The following ZC3H12C variants were observed in gnomAD, a reference collection of about 807,000 sequenced individuals.
ZC3H12C encodes zinc finger CCCH-type containing 12C, also known as probable ribonuclease ZC3H12C.
In ZC3H12C, 20 loss-of-function variants were observed where a neutral mutation model predicts 76.3. That is an observed-to-expected ratio of 0.26 (90% CI 0.18 to 0.38). The LOEUF (loss-of-function observed/expected upper bound fraction) is 0.38. Among genes scored for constraint, ZC3H12C ranks in the 10% least tolerant of loss-of-function variants. ZC3H12C has a pLI of 1.00. For synonymous variants in ZC3H12C, 352 were observed against 399.6 expected (o/e 0.88, Z 1.42); for missense variants, 874 against 1,086.5 (o/e 0.80, Z 2.75).
At chr11:110,150,093 A>G (rs1042497384) in intron 2 of ZC3H12C, among the ~76,000 whole-genome samples, 23 of 152,122 alleles carry the variant, frequency 1.5e-4, no homozygotes, top group African/African-American at 5.5e-4. Context: ...TTGCCCTAGT[A>G]CCATTTGCTA....
rs1450863982 is a variant in ZC3H12C at position 110,169,717 on chromosome 11, G to A, written c.*3980G>A. 6.6e-6 allele frequency: 1 copy of A among 152,206 alleles called. No homozygotes were observed. Among genetic ancestry groups the A allele is most frequent in the Non-Finnish European group, 1.5e-5 (1 of 68,016 alleles). 9.4% of individuals were successfully genotyped at this position (152,206 alleles called of 1,614,324 possible). ...TTAAAAAGAGATGGATTACACACAT[G>A]CATTAGAATAAGAGAAAACAGTAGT... is the stretch of plus-strand genomic sequence containing the variant. On this transcript the variant is annotated 3_prime_UTR_variant, in exon 6 of 6. Transcript: ENST00000278590.
intron 1 of ZC3H12C, among the ~76,000 whole-genome samples, chr11:110,098,810 G>A (rs1027841210): frequency 2.0e-4 from 30 of 152,198 alleles, no homozygotes; most frequent in African/African-American, 7.2e-4. Context: ...AGTATACTCT[G>A]TGATGTTTGC....
rs866797444 is a variant in ZC3H12C at position 110,105,392 on chromosome 11, T to C, written c.21+11960T>C. Among the ~76,000 whole-genome samples, 21 of 152,304 alleles carry C rather than the reference T, an allele frequency of 1.4e-4. 1 individual carries two copies. Among genetic ancestry groups the C allele is most frequent in the Middle Eastern group, 3.4e-3 (1 of 294 alleles). On this transcript the variant is annotated intron_variant, in intron 1 of 5. Coordinates refer to ENST00000278590, the MANE Select transcript of ZC3H12C (RefSeq NM_033390.2). ...TACATTATTTCTAGTTTTGCTAAGATAGAAAAGTGCCTTAAGTAACAAAAA... is the reference window on the plus strand; with the variant it reads ...TACATTATTTCTAGTTTTGCTAAGACAGAAAAGTGCCTTAAGTAACAAAAA...
rs972929412 is a variant in ZC3H12C, at chr11:110,166,841, G to A, written c.*1104G>A. ...ACTATAGAGAAATGGTGATGGAGGA[G>A]TTGTAAATGGTAACTTAAAATTTTT... On this transcript the variant is annotated 3_prime_UTR_variant, in exon 6 of 6. Transcript: ENST00000278590. 8 of 152,104 alleles carry A rather than the reference G, an allele frequency of 5.3e-5. No individual in the cohort carries two copies. The highest frequency in any genetic ancestry group is 1.0e-4 in the Non-Finnish European group (7 of 68,014). 9.4% of individuals were successfully genotyped at this position (152,104 alleles called of 1,614,324 possible).
At chr11:110,139,220 A>G (rs1464754777) in intron 2 of ZC3H12C, among the ~76,000 whole-genome samples, 1 of 152,140 alleles carries the variant, frequency 6.6e-6, no homozygotes, top group Non-Finnish European at 1.5e-5. Flanking sequence ...TAGCAAATGC[A>G]ACAAGATTTG....
intron 1 of ZC3H12C, among the ~76,000 whole-genome samples, chr11:110,108,698 G>A (rs948809842): frequency 3.9e-5 from 6 of 152,152 alleles, no homozygotes; most frequent in East Asian, 1.9e-4. Flanking sequence ...TTATATCTCC[G>A]ATCCTGACTT....
chr11:110,158,670 G>A (rs1406640497), intron 3 of ZC3H12C, among the ~76,000 whole-genome samples: 2 of 152,162 alleles, frequency 1.3e-5, no homozygotes, highest in African/African-American at 4.8e-5. Flanking sequence ...GAAAGGTCAT[G>A]GGGCATATTG....
intron 1 of ZC3H12C, among the ~76,000 whole-genome samples, chr11:110,110,773 A>C (rs907075067): frequency 6.6e-6 from 1 of 152,186 alleles, no homozygotes; most frequent in Non-Finnish European, 1.5e-5. Flanking sequence ...CCTCTTTGGA[A>C]TAGAACATAA....
At chr11:110,119,264 C>A (rs1354540683) in intron 1 of ZC3H12C, among the ~76,000 whole-genome samples, 1 of 152,166 alleles carries the variant, frequency 6.6e-6, no homozygotes, top group Admixed American at 6.5e-5. Flanking sequence ...TTTCCCATCT[C>A]AATATAAAAG....
At position 110,171,679 on chromosome 11, in the gene ZC3H12C, T is replaced by G. The variant is rs1862683209; in HGVS notation, c.*5942T>G. The stretch of plus-strand genomic sequence containing the variant: ...TGATCTCATATGGCATCATAGATGC[T>G]AAATAAATAAAAGCATCATACTTCT... On this transcript the variant is annotated 3_prime_UTR_variant, in exon 6 of 6. Coordinates refer to ENST00000278590, the MANE Select transcript of ZC3H12C (RefSeq NM_033390.2). 1 of 152,224 alleles carries G rather than the reference T, an allele frequency of 6.6e-6. No individual in the cohort carries two copies. Among genetic ancestry groups the G allele is most frequent in the African/African-American group, 2.4e-5 (1 of 41,460 alleles). The allele number at this position is 152,224 out of a possible 1,614,324, so 9.4% of individuals were successfully genotyped here. A position where few individuals can be genotyped will look rare whatever the true frequency, so the allele number is the denominator to read the frequency against.
At chr11:110,135,178 A>T (rs1861933698) in intron 1 of ZC3H12C, among the ~76,000 whole-genome samples, 1 of 152,088 alleles carries the variant, frequency 6.6e-6, no homozygotes, top group Non-Finnish European at 1.5e-5. Context: ...TGCGTAGAAT[A>T]CCAGAATTGC....
chr11:110,108,252 G>A (rs1031032071), intron 1 of ZC3H12C, among the ~76,000 whole-genome samples: 2 of 152,172 alleles, frequency 1.3e-5, no homozygotes, highest in Non-Finnish European at 2.9e-5. Flanking sequence ...CACCATGCCT[G>A]GCCTTAATGG....
At chr11:110,125,299 G>A (rs966467459) in intron 1 of ZC3H12C, among the ~76,000 whole-genome samples, 1 of 147,042 alleles carries the variant, frequency 6.8e-6, no homozygotes, top group Non-Finnish European at 1.5e-5. Flanking sequence ...GTGTGTGTGT[G>A]TGTGTGTGTG....
chr11:110,149,357 G>A (rs1862228352), intron 2 of ZC3H12C, among the ~76,000 whole-genome samples: 1 of 152,212 alleles, frequency 6.6e-6, no homozygotes, highest in Non-Finnish European at 1.5e-5. Context: ...GGAGGAGGAT[G>A]AAAGGCAGTT....
At position 110,136,862 on chromosome 11, in the gene ZC3H12C, G is replaced by A. The variant is rs1861971825; in HGVS notation, c.221G>A (p.Gly74Glu). 1 of 1,613,704 alleles carries A rather than the reference G, an allele frequency of 6.2e-7. No homozygotes were observed. The highest frequency in any genetic ancestry group is 1.3e-5 in the African/African-American group (1 of 74,912). The change falls in exon 2 of 6, where the codon GGG becomes GAG. Residue 74 changes from glycine (G) to glutamate (E), a missense_variant. By Grantham distance (98) the Gly-to-Glu change is moderately conservative. Transcript: ENST00000278590. ...ENPSMDTVNV[G>E]KDEKEASEEN... ...CCAAGTATGGATACCGTTAATGTGG[G>A]GAAGGATGAAAAAGAGGCGTCTGAA...
intron 1 of ZC3H12C, 40 bp downstream of exon 1, chr11:110,093,472 C>T (rs1237151479): frequency 8.4e-7 from 1 of 1,189,754 alleles, no homozygotes; most frequent in South Asian, 4.2e-5. Flanking sequence ...CGGACCGCGG[C>T]GAGAGTGGTC....
chr11:110,125,294 T>C (rs1861720944), intron 1 of ZC3H12C, among the ~76,000 whole-genome samples: 1 of 146,062 alleles, frequency 6.8e-6, no homozygotes, highest in African/African-American at 2.7e-5. Flanking sequence ...TGTGTGTGTG[T>C]GTGTGTGTGT....
intron 1 of ZC3H12C, among the ~76,000 whole-genome samples, chr11:110,112,468 G>C (rs753653611): frequency 6.6e-6 from 1 of 152,176 alleles, no homozygotes; most frequent in Non-Finnish European, 1.5e-5. Flanking sequence ...TGGGATTATA[G>C]GTGTGAGCCA....
chr11:110,150,013 A>G (rs1259536335), intron 2 of ZC3H12C, among the ~76,000 whole-genome samples: 4 of 152,132 alleles, frequency 2.6e-5, no homozygotes, highest in Admixed American at 6.5e-5. Flanking sequence ...TATTTGATCT[A>G]TCAACAATTT....
Sources: gnomAD v4.1 joint callset for allele counts (sites outside exome capture counted in the v4.1 genomes callset) on GRCh38, gnomAD v4.1.1 for gene constraint, MANE v1.5 for transcripts, NCBI Gene and HGNC (gene_info 2026-07-23, HGNC 2026-07-21) for gene names.